The following ZNF438 variants were observed in gnomAD, a reference collection of about 807,000 sequenced individuals.
ZNF438 encodes zinc finger protein 438.
In ZNF438, 25 loss-of-function variants were observed where a neutral mutation model predicts 38.0. That is an observed-to-expected ratio of 0.66 (90% CI 0.48 to 0.92). The LOEUF (loss-of-function observed/expected upper bound fraction) is 0.92. ZNF438 is among the 40% of genes least tolerant of loss of function. The probability of loss-of-function intolerance (pLI) is 0.00; values close to 1 mark genes in which losing one functional copy is unlikely to be tolerated. For missense variants in ZNF438, 1,007 were observed against 999.6 expected (o/e 1.01, Z -0.10); for synonymous variants, 372 against 364.1 (o/e 1.02, Z -0.25).
intron 4 of ZNF438, among the ~76,000 whole-genome samples, chr10:30,863,927 T>C (rs2035995018): frequency 1.3e-5 from 2 of 152,200 alleles, no homozygotes; most frequent in Non-Finnish European, 2.9e-5. Context: ...TTAAAGTTTC[T>C]AGTTCAAAAC....
At chr10:30,864,201 G>A (rs2036050603) in intron 4 of ZNF438, among the ~76,000 whole-genome samples, 1 of 152,188 alleles carries the variant, frequency 6.6e-6, no homozygotes, top group South Asian at 2.1e-4. Flanking sequence ...CCTTTTCTGT[G>A]ATGGGGGAAA....
intron 1 of ZNF438, among the ~76,000 whole-genome samples, chr10:30,983,748 C>G (rs1429596909): frequency 6.6e-6 from 1 of 151,894 alleles, no homozygotes; most frequent in Non-Finnish European, 1.5e-5. Context: ...AAACCATGGT[C>G]CAGAAAATCT....
At chr10:31,005,692 T>C (rs193155156) in intron 1 of ZNF438, among the ~76,000 whole-genome samples, 94 of 152,328 alleles carry the variant, frequency 6.2e-4, no homozygotes, top group Admixed American at 1.8e-3. Context: ...TGATGTTAAT[T>C]TGCTTGACTG....
intron 4 of ZNF438, among the ~76,000 whole-genome samples, chr10:30,859,612 G>T (rs2035251021): frequency 6.6e-6 from 1 of 152,140 alleles, no homozygotes; most frequent in Admixed American, 6.5e-5. Context: ...TTCACTCTCT[G>T]TGCCTAAATG....
At chr10:30,949,035 G>C (rs11008310) in intron 1 of ZNF438, among the ~76,000 whole-genome samples, 44,548 of 151,884 alleles carry the variant, frequency 0.29, 6,949 homozygotes, top group East Asian at 0.61. Context: ...AAGCCCATCA[G>C]ACTAACAGCG....
intron 1 of ZNF438, among the ~76,000 whole-genome samples, chr10:31,006,894 G>A (rs1416671371): frequency 6.6e-6 from 1 of 152,058 alleles, no homozygotes; most frequent in Non-Finnish European, 1.5e-5. Flanking sequence ...TGGTAAGGCG[G>A]AATGAAGGTT....
chr10:30,857,867 T>A, intron 4 of ZNF438: 1 of 825,658 alleles, frequency 1.2e-6, no homozygotes, highest in Non-Finnish European at 1.7e-6. Context: ...CCAGCTTTAT[T>A]AAACTGTTTC....
intron 1 of ZNF438, among the ~76,000 whole-genome samples, chr10:30,993,291 C>A (rs1336621180): frequency 6.6e-6 from 1 of 152,212 alleles, no homozygotes; most frequent in East Asian, 1.9e-4. Context: ...CCTAGGAGTG[C>A]AGAATGGTTT....
At chr10:30,846,450 T>C (rs547096510) in intron 5 of ZNF438, among the ~76,000 whole-genome samples, 4 of 152,296 alleles carry the variant, frequency 2.6e-5, no homozygotes, top group African/African-American at 9.6e-5. Context: ...GCCACTGCGA[T>C]GGGGCCAGGC....
chr10:30,999,084 C>T (rs959923456), intron 1 of ZNF438, among the ~76,000 whole-genome samples: 2 of 151,742 alleles, frequency 1.3e-5, no homozygotes, highest in African/African-American at 2.4e-5. Flanking sequence ...CTTATCCAAG[C>T]GGTTCCCAAA....
At chr10:30,981,072 C>G (rs1291149054) in intron 1 of ZNF438, among the ~76,000 whole-genome samples, 1 of 152,192 alleles carries the variant, frequency 6.6e-6, no homozygotes, top group African/African-American at 2.4e-5. Flanking sequence ...CTAGGAACTT[C>G]TAGTTGTCCA....
chr10:31,015,410 G>T (rs2056112813), intron 1 of ZNF438, among the ~76,000 whole-genome samples: 1 of 152,200 alleles, frequency 6.6e-6, no homozygotes, highest in African/African-American at 2.4e-5. Flanking sequence ...TTGGGAGGCA[G>T]AGGCAAGCAG....
At chr10:30,902,993 C>CAGTGGGCCA (rs57227374) in intron 3 of ZNF438, among the ~76,000 whole-genome samples, 118,183 of 151,704 alleles carry the variant, frequency 0.78, 46,807 homozygotes, top group African/African-American at 0.89. Context: ...AGCGCAGCGC[C>CAGTGGGCCA]GCACTGCTGG....
intron 1 of ZNF438, among the ~76,000 whole-genome samples, chr10:31,010,892 G>GAAAAAAAAAAAAAAAAAAAAAA (rs563189482): frequency 2.2e-5 from 2 of 92,594 alleles, no homozygotes; most frequent in African/African-American, 5.3e-5. Context: ...GACCCTGTTT[G>GAAAAAAAAAAAAAAAAAAAAAA]AAAAAAAAAA....
At chr10:30,951,220 A>T (rs2048151714) in intron 1 of ZNF438, among the ~76,000 whole-genome samples, 1 of 151,552 alleles carries the variant, frequency 6.6e-6, no homozygotes, top group South Asian at 2.1e-4. Context: ...AAAAACTCTC[A>T]ATAAATTAGG....
chr10:30,894,238 G>A, intron 3 of ZNF438, among the ~76,000 whole-genome samples: 1 of 152,198 alleles, frequency 6.6e-6, no homozygotes, highest in East Asian at 1.9e-4. Context: ...AATAAAAAGG[G>A]AAAATATCTC....
chr10:31,013,829 T>C (rs1239406070), intron 1 of ZNF438, among the ~76,000 whole-genome samples: 1 of 152,066 alleles, frequency 6.6e-6, no homozygotes, highest in Non-Finnish European at 1.5e-5. Context: ...CTAATATACA[T>C]CCCCAGACTT....
At chr10:31,024,756 C>T (rs187336102) in intron 1 of ZNF438, among the ~76,000 whole-genome samples, 15 of 152,220 alleles carry the variant, frequency 9.9e-5, no homozygotes, top group Admixed American at 9.8e-4. Context: ...ATAATGCATG[C>T]CCTACACATT....
chr10:30,996,476 TAGAAATAAAG>T (rs1221669606), intron 1 of ZNF438, among the ~76,000 whole-genome samples: 1 of 151,828 alleles, frequency 6.6e-6, no homozygotes, highest in Non-Finnish European at 1.5e-5. Context: ...AATATAATAC[TAGAAATAAAG>T]AGAAACACTT....
Sources: allele counts gnomAD v4.1 joint callset (sites outside exome capture counted in the v4.1 genomes callset), GRCh38; gene constraint gnomAD v4.1.1; transcripts MANE v1.5; gene names NCBI Gene and HGNC (gene_info 2026-07-23, HGNC 2026-07-21).